Variants in ABR observed in about 807,000 individuals in gnomAD.
The protein encoded by ABR is ABR activator of RhoGEF and GTPase.
ABR carries 35 observed loss-of-function variants against 107.2 expected under a neutral mutation model. The observed-to-expected ratio is 0.33, with a 90% CI of 0.25 to 0.43. The LOEUF (loss-of-function observed/expected upper bound fraction) is 0.43, where lower values mean the gene tolerates loss of function less well. Among genes scored for constraint, ABR ranks in the 20% least tolerant of loss-of-function variants. The probability of loss-of-function intolerance (pLI) is 1.00; values close to 1 mark genes in which losing one functional copy is unlikely to be tolerated. For synonymous variants in ABR, 498 were observed against 462.0 expected, an observed-to-expected ratio of 1.08 and a Z score of -1.00; for missense variants, 815 against 1,115.2, an observed-to-expected ratio of 0.73 and a Z score of 3.83.
chr17:1,014,770 C>G (rs1176748645), intron 16 of ABR, among the ~76,000 whole-genome samples: 1 of 151,876 alleles, frequency 6.6e-6, no homozygotes, highest in Non-Finnish European at 1.5e-5. Context: ...GGCATGAACC[C>G]AGTAGGTGGA....
chr17:1,205,837 G>A (rs2042777939), intron 1 of ABR, among the ~76,000 whole-genome samples: 2 of 152,218 alleles, frequency 1.3e-5, no homozygotes, highest in South Asian at 4.1e-4. Flanking sequence ...CAGCTACTCA[G>A]AAGGCTGCGG....
rs144457266 is a variant in ABR, at chr17:1,081,657, A to C, written c.639+1863T>G. On this transcript the variant is annotated intron_variant, in intron 5 of 22. Coordinates refer to ENST00000302538, the MANE Select transcript of ABR (RefSeq NM_021962.5). ...AGTGGCGTGATCGCAGCTCACTGCA[A>C]CCTCCACCTCCCGGGTTCAAGAGAT... is the stretch of plus-strand genomic sequence containing the variant. 1.9e-3 allele frequency among the ~76,000 whole-genome samples: 296 copies of C among 151,874 alleles called. 4 individuals are homozygous for C. In the East Asian group the frequency reaches 0.045, roughly 23 times the overall value.
intron 17 of ABR, 115 bp downstream of exon 17, chr17:1,012,990 G>A: frequency 3.1e-6 from 4 of 1,309,796 alleles, no homozygotes; most frequent in Non-Finnish European, 3.3e-6. Flanking sequence ...GGGCTGCGGG[G>A]AGGTCGAGGC....
chr17:1,059,990 G>T (rs148002423), intron 10 of ABR, among the ~76,000 whole-genome samples: 16 of 152,330 alleles, frequency 1.1e-4, no homozygotes, highest in Non-Finnish European at 1.9e-4. Context: ...GGAACCTACT[G>T]CAGAGGCACC....
intron 1 of ABR, among the ~76,000 whole-genome samples, chr17:1,146,311 G>A (rs2040526113): frequency 7.4e-6 from 1 of 134,846 alleles, no homozygotes; most frequent in African/African-American, 2.9e-5. Flanking sequence ...CATCCTTGTG[G>A]CCCCACCACC....
intron 10 of ABR, 26 bp from the exon 11 acceptor site, chr17:1,058,893 T>C (rs1368209724): frequency 6.2e-7 from 1 of 1,613,218 alleles, no homozygotes; most frequent in Non-Finnish European, 8.5e-7. Context: ...ACACAGAGGG[T>C]TCCCCTCACA....
Position 1,084,407 on chromosome 17 carries a change from C to T in ABR, c.532-780G>A, listed in dbSNP as rs1171886092. Among the ~76,000 whole-genome samples, 1 of 152,154 alleles carries T rather than the reference C, an allele frequency of 6.6e-6. No individual in the cohort carries two copies. Among genetic ancestry groups the T allele is most frequent in the African/African-American group, 2.4e-5 (1 of 41,456 alleles). ...GAAAACAAAACAACAAATGAAGATGCTGTCTTTCCATTTCCCTTGGCCTTG... is the reference window on the plus strand; with the variant it reads ...GAAAACAAAACAACAAATGAAGATGTTGTCTTTCCATTTCCCTTGGCCTTG... On this transcript the variant is annotated intron_variant, in intron 4 of 22. Transcript: ENST00000302538. This position sits in a 1 kb window ranked among gnomAD's most constrained non-coding sequence, Gnocchi z 4.2.
intron 1 of ABR, among the ~76,000 whole-genome samples, chr17:1,172,356 C>G (rs955086139): frequency 6.6e-6 from 1 of 152,228 alleles, no homozygotes; most frequent in East Asian, 1.9e-4. Flanking sequence ...CACAAGGTCT[C>G]TGGGTCAGGT....
intron 6 of ABR, among the ~76,000 whole-genome samples, chr17:1,077,636 C>A (rs958541702): frequency 1.3e-5 from 2 of 152,298 alleles, no homozygotes; most frequent in East Asian, 3.9e-4. Context: ...AGCACAGCCG[C>A]CCCTGGGAAG....
In ABR at chr17:1,219,943, AGTAGG is replaced by A. The variant is rs1410888975; in HGVS notation, c.838+8845_838+8849del. Among the ~76,000 whole-genome samples the A allele has an allele frequency of 8.8e-4, 134 of 151,836 alleles. No individual in the cohort carries two copies. In the Middle Eastern group the frequency reaches 0.01, roughly 12 times the overall value. Reference sequence around the variant, plus strand: ...GCACTTGACCTAGTGCTTTGCAGAGAGTAGGTACTGGAGTATCTTTATACTCTAGT... The same window carrying A: ...GCACTTGACCTAGTGCTTTGCAGAGATACTGGAGTATCTTTATACTCTAGT... On this transcript the variant is annotated intron_variant, in intron 1 of 22. Transcript: ENST00000574139.
chr17:1,162,433 G>T (rs1427837863), intron 1 of ABR, among the ~76,000 whole-genome samples: 2 of 152,180 alleles, frequency 1.3e-5, no homozygotes, highest in African/African-American at 4.8e-5. Context: ...AGCAGGAGAT[G>T]AGAGGAAGAC....
intron 1 of ABR, among the ~76,000 whole-genome samples, chr17:1,207,425 G>A (rs531987564): frequency 2.6e-5 from 4 of 151,992 alleles, no homozygotes; most frequent in East Asian, 3.9e-4. Context: ...TGAGGCGGGC[G>A]GATCACCTGA....
chr17:1,072,386 G>C (rs913153715), intron 8 of ABR, among the ~76,000 whole-genome samples: 249 of 150,458 alleles, frequency 1.7e-3, no homozygotes, highest in Non-Finnish European at 2.7e-3. Context: ...AGGGGACGAG[G>C]GACCTGCCGC....
chr17:1,042,692 C>T (rs564528939), intron 16 of ABR, among the ~76,000 whole-genome samples: 5 of 150,848 alleles, frequency 3.3e-5, no homozygotes, highest in South Asian at 2.1e-4. Context: ...GATAAATAGA[C>T]GTGGCACCTA....
In ABR at chr17:1,071,854, G is replaced by C. The variant is rs1179887972; in HGVS notation, c.894+760C>G. 1.3e-5 allele frequency among the ~76,000 whole-genome samples: 2 copies of C among 152,258 alleles called. No homozygotes were observed. The highest frequency in any genetic ancestry group is 4.8e-5 in the African/African-American group (2 of 41,470). Reference sequence around the variant, plus strand: ...CTGACACCAGTGGCTGAAAGACTGCGTGGTGGACCTGGAGAGACTCCCCAG... The same window carrying C: ...CTGACACCAGTGGCTGAAAGACTGCCTGGTGGACCTGGAGAGACTCCCCAG... On this transcript the variant is annotated intron_variant, in intron 8 of 22. Coordinates refer to ENST00000302538, the MANE Select transcript of ABR (RefSeq NM_021962.5). This position sits in a 1 kb window ranked among gnomAD's most constrained non-coding sequence, Gnocchi z 5.1.
rs936708600 is a variant in ABR, at chr17:1,136,178, G to C, written c.62-10811C>G. On this transcript the variant is annotated intron_variant, in intron 1 of 22. Transcript: ENST00000302538. ...TACATATGTCTTCTTCCAATAGAAG[G>C]CTGTTTTGTCTACATTGAAAATCTG... 3.3e-5 allele frequency among the ~76,000 whole-genome samples: 5 copies of C among 152,114 alleles called. No individual in the cohort carries two copies. In the East Asian group the frequency reaches 7.7e-4, roughly 23 times the overall value.
At chr17:1,058,962 C>G (rs940803138) in intron 10 of ABR, 95 bp from the exon 11 acceptor site, 3 of 1,513,576 alleles carry the variant, frequency 2.0e-6, no homozygotes, top group East Asian at 4.6e-5. Context: ...TTAACATGCT[C>G]TTTACATTTT....
chr17:1,123,001 C>G (rs189771873), intron 2 of ABR, among the ~76,000 whole-genome samples: 124 of 152,282 alleles, frequency 8.1e-4, no homozygotes, highest in Non-Finnish European at 1.2e-3. Context: ...CCTGTTTGGC[C>G]AAATAAGCAC....
chr17:1,056,278 T>C (rs566415324), intron 13 of ABR, among the ~76,000 whole-genome samples, 169 bp from the exon 14 acceptor site: 1 of 152,160 alleles, frequency 6.6e-6, no homozygotes, highest in African/African-American at 2.4e-5. Flanking sequence ...CGGCCTTATA[T>C]GTGAGCTGCC....
Sources: gnomAD v4.1 joint callset for allele counts (sites outside exome capture counted in the v4.1 genomes callset) on GRCh38, gnomAD v4.1.1 for gene constraint, Gnocchi (gnomAD v3.1) non-coding constraint, MANE v1.5 for transcripts, NCBI Gene and HGNC (gene_info 2026-07-23, HGNC 2026-07-21) for gene names.